ELMO1: variants seen among roughly 807,000 people sequenced by gnomAD.
The protein encoded by ELMO1 is engulfment and cell motility protein 1.
A neutral mutation model predicts 98.9 loss-of-function variants in ELMO1; 26 were observed. That is an observed-to-expected ratio of 0.26 (90% CI 0.19 to 0.36). The LOEUF is 0.36. Among genes scored for constraint, ELMO1 ranks in the 10% least tolerant of loss-of-function variants. The pLI is 1.00. For synonymous variants in ELMO1, 346 were observed against 346.0 expected (o/e 1.00, Z 0.00); for missense variants, 627 against 935.2 (o/e 0.67, Z 4.30).
intron 13 of ELMO1, among the ~76,000 whole-genome samples, chr7:37,141,894 CT>C (rs1350483807): frequency 6.6e-6 from 1 of 152,172 alleles, no homozygotes. Flanking sequence ...TGTTTATAAG[CT>C]AATAGGCAAT....
At chr7:37,299,248 TG>T (rs1386286077) in intron 4 of ELMO1, among the ~76,000 whole-genome samples, 2 of 141,960 alleles carry the variant, frequency 1.4e-5, no homozygotes, top group African/African-American at 5.2e-5. Flanking sequence ...CTCCCATTTT[TG>T]TAGGTTGCCT....
intron 16 of ELMO1, among the ~76,000 whole-genome samples, chr7:36,960,536 C>A (rs1648396316): frequency 6.6e-6 from 1 of 152,112 alleles, no homozygotes; most frequent in African/African-American, 2.4e-5. Context: ...CTCTTCACAG[C>A]TCAAGGGTTA....
intron 15 of ELMO1, among the ~76,000 whole-genome samples, chr7:37,077,919 C>T (rs1468233010): frequency 2.6e-5 from 4 of 152,184 alleles, no homozygotes; most frequent in Admixed American, 1.3e-4. Context: ...AAGAAACCTA[C>T]ATAGGAAGCA....
intron 16 of ELMO1, among the ~76,000 whole-genome samples, chr7:36,999,626 T>C (rs1037786050): frequency 1.3e-5 from 2 of 152,206 alleles, no homozygotes; most frequent in Non-Finnish European, 2.9e-5. Flanking sequence ...GAAGACTGTG[T>C]CAGAAACCAA....
chr7:37,232,182 A>G (rs902774300), intron 8 of ELMO1, among the ~76,000 whole-genome samples: 7 of 152,200 alleles, frequency 4.6e-5, no homozygotes, highest in African/African-American at 1.4e-4. Flanking sequence ...AAAAACTTCA[A>G]GTGACTCTTA....
intron 14 of ELMO1, among the ~76,000 whole-genome samples, chr7:37,118,848 T>TAA (rs1315849097): frequency 6.6e-6 from 1 of 152,182 alleles, no homozygotes; most frequent in African/African-American, 2.4e-5. Flanking sequence ...CTCTTCTTTT[T>TAA]AATAACACTG....
intron 20 of ELMO1, among the ~76,000 whole-genome samples, chr7:36,868,519 G>A (rs1229725073): frequency 6.6e-6 from 1 of 151,950 alleles, no homozygotes; most frequent in African/African-American, 2.4e-5. Flanking sequence ...CTAATTTTTT[G>A]TATTTTTAGT....
At chr7:37,167,224 A>G (rs536375525) in intron 13 of ELMO1, among the ~76,000 whole-genome samples, 19,564 of 150,498 alleles carry the variant, frequency 0.13, 1,387 homozygotes, top group Middle Eastern at 0.24. Flanking sequence ...TTTTGAGCCT[A>G]TGTGTGTCTC....
chr7:37,221,108 G>A (rs1032606542), intron 10 of ELMO1, among the ~76,000 whole-genome samples: 1 of 152,086 alleles, frequency 6.6e-6, no homozygotes. Flanking sequence ...ATCCAGCCAC[G>A]GTAAGACTGC....
intron 15 of ELMO1, among the ~76,000 whole-genome samples, 195 bp downstream of exon 15, chr7:37,096,424 A>T (rs2129256792): frequency 6.6e-6 from 1 of 152,318 alleles, no homozygotes; most frequent in Non-Finnish European, 1.5e-5. Flanking sequence ...ATAGGTTTTA[A>T]TCACATTTAC....
At chr7:37,326,961 G>T (rs566264412) in intron 2 of ELMO1, among the ~76,000 whole-genome samples, 2 of 152,308 alleles carry the variant, frequency 1.3e-5, no homozygotes, top group African/African-American at 4.8e-5. Context: ...AATCTTTTGT[G>T]ATTCTCCTAG....
At position 37,054,325 on chromosome 7, in the gene ELMO1, A is replaced by G. The variant is rs1796280477; in HGVS notation, c.1301-40890T>C. 2.6e-5 allele frequency among the ~76,000 whole-genome samples: 4 copies of G among 152,230 alleles called. No individual in the cohort carries two copies. The South Asian group carries it at 8.3e-4, about 32-fold the overall frequency. On this transcript the variant is annotated intron_variant, in intron 15 of 21. Transcript: ENST00000310758. ...AGAATCTACTTTTAAAGACTGTGAT[A>G]ATGATGACATTCACCCTCAGCCCCT...
chr7:37,441,842 A>G lies in ELMO1; in HGVS notation c.-74+6833T>C, dbSNP rs576190392. The stretch of plus-strand genomic sequence containing the variant: ...CTGCAGTATAAGAGAGAAGAGAGCT[A>G]GAAAGGAAACTTGGAGAGCTGGAGG... On this transcript the variant is annotated intron_variant, in intron 1 of 21. Coordinates refer to ENST00000310758, the MANE Select transcript of ELMO1 (RefSeq NM_014800.11). 4.6e-5 allele frequency among the ~76,000 whole-genome samples: 7 copies of G among 152,360 alleles called. 1 individual carries two copies. Among genetic ancestry groups the G allele is most frequent in the Middle Eastern group, 6.8e-3 (2 of 294 alleles).
At chr7:37,040,521 G>A (rs553797240) in intron 15 of ELMO1, among the ~76,000 whole-genome samples, 1 of 152,182 alleles carries the variant, frequency 6.6e-6, no homozygotes, top group Non-Finnish European at 1.5e-5. Flanking sequence ...GCATGTGCAT[G>A]ATGTGACACG....
At chr7:36,868,903 G>T (rs1803274355) in intron 20 of ELMO1, among the ~76,000 whole-genome samples, 1 of 152,104 alleles carries the variant, frequency 6.6e-6, no homozygotes, top group Admixed American at 6.5e-5. Context: ...TAACTGTGGG[G>T]ACCTCCTCGG....
At chr7:37,427,226 A>T (rs1189828158) in intron 1 of ELMO1, among the ~76,000 whole-genome samples, 1 of 152,224 alleles carries the variant, frequency 6.6e-6, no homozygotes, top group African/African-American at 2.4e-5. Flanking sequence ...CAACTTCCAG[A>T]ATACAGTGAC....
chr7:37,139,147 C>A (rs1787455320), intron 13 of ELMO1, among the ~76,000 whole-genome samples: 1 of 152,160 alleles, frequency 6.6e-6, no homozygotes, highest in African/African-American at 2.4e-5. Flanking sequence ...TGGAAGCATT[C>A]CCCCTGAGAA....
chr7:37,320,754 T>C (rs3847015), intron 2 of ELMO1, among the ~76,000 whole-genome samples: 90,640 of 151,932 alleles, frequency 0.6, 28,414 homozygotes, highest in East Asian at 0.86. Context: ...TAGGATCTAA[T>C]AGGAGACTCA....
intron 2 of ELMO1, among the ~76,000 whole-genome samples, chr7:37,329,763 C>T (rs1800004401): frequency 6.6e-6 from 1 of 152,182 alleles, no homozygotes; most frequent in African/African-American, 2.4e-5. Context: ...CTACCCTTAG[C>T]ACTTTACTCT....
Sources: allele counts gnomAD v4.1 joint callset (sites outside exome capture counted in the v4.1 genomes callset), GRCh38; gene constraint gnomAD v4.1.1; transcripts MANE v1.5; gene names NCBI Gene and HGNC (gene_info 2026-07-23, HGNC 2026-07-21).